The following PRRX1 variants were observed in gnomAD, a reference collection of about 807,000 sequenced individuals.
PRRX1 encodes paired related homeobox 1, also known as paired mesoderm homeobox protein 1.
A neutral mutation model predicts 24.0 loss-of-function variants in PRRX1; 8 were observed. The ratio of observed to expected loss-of-function variants is 0.33; its 90% CI spans 0.20 to 0.60. PRRX1 has a LOEUF of 0.60. Among genes scored for constraint, PRRX1 ranks in the 20% least tolerant of loss-of-function variants. PRRX1 has a pLI of 0.82. For missense variants in PRRX1, 281 were observed against 322.4 expected (o/e 0.87, Z 0.98); for synonymous variants, 160 against 131.7 (o/e 1.22, Z -1.47).
rs542775403 is a variant in PRRX1 at position 170,738,305 on chromosome 1, A to G, written c.*2119A>G. ...TTGAGCTAATGGTGATGTTATTTCA[A>G]TCTAACAGCCACCAATCTGAAATTG... On this transcript the variant is annotated 3_prime_UTR_variant, in exon 4 of 4. Coordinates refer to ENST00000239461, the MANE Select transcript of PRRX1 (RefSeq NM_022716.4). The G allele has an allele frequency of 8.9e-6, 2 of 225,486 alleles. No individual in the cohort carries two copies. The highest frequency in any genetic ancestry group is 5.7e-5 in the Admixed American group (1 of 17,486). 14.0% of individuals were successfully genotyped at this position (225,486 alleles called of 1,614,324 possible). A position where few individuals can be genotyped will look rare whatever the true frequency, so the allele number is the denominator to read the frequency against.
rs184183553 is a variant in PRRX1 at position 170,672,453 on chromosome 1, C to T, written c.241+7994C>T. Among the ~76,000 whole-genome samples, 13 of 152,312 alleles carry T rather than the reference C, an allele frequency of 8.5e-5. No homozygotes were observed. The East Asian group carries it at 2.5e-3, about 29-fold the overall frequency. ...AAATTGCTTTCCCACAAACGTTTGT[C>T]TGAGAATAAGAACATTCACCCCATT... On this transcript the variant is annotated intron_variant, in intron 1 of 3. Transcript: ENST00000239461.
chr1:170,698,394 G>A (rs564144549), intron 1 of PRRX1, among the ~76,000 whole-genome samples: 10 of 152,194 alleles, frequency 6.6e-5, no homozygotes, highest in Non-Finnish European at 8.8e-5. Flanking sequence ...AAAACAAAGC[G>A]TCTCTTTATT....
At chr1:170,715,784 G>C (rs1252163204) in intron 1 of PRRX1, among the ~76,000 whole-genome samples, 1 of 152,202 alleles carries the variant, frequency 6.6e-6, no homozygotes, top group Non-Finnish European at 1.5e-5. Flanking sequence ...TATTCTGGTA[G>C]AAAGGACAAC....
chr1:170,695,685 C>A (rs1310084149), intron 1 of PRRX1, among the ~76,000 whole-genome samples: 3 of 152,174 alleles, frequency 2.0e-5, no homozygotes, highest in Non-Finnish European at 4.4e-5. Flanking sequence ...AAACACTTCT[C>A]CAGTCAACAA....
chr1:170,711,381 G>A (rs989716168), intron 1 of PRRX1, among the ~76,000 whole-genome samples: 2 of 152,110 alleles, frequency 1.3e-5, no homozygotes, highest in African/African-American at 4.8e-5. Flanking sequence ...GAAAATTCAA[G>A]TCATACTTTT....
At chr1:170,710,147 C>G (rs1036591327) in intron 1 of PRRX1, among the ~76,000 whole-genome samples, 1 of 152,006 alleles carries the variant, frequency 6.6e-6, no homozygotes, top group Non-Finnish European at 1.5e-5. Flanking sequence ...TACATTACAG[C>G]CCTTATGCAA....
At chr1:170,730,567 C>T (rs558475243) in intron 3 of PRRX1, 1 of 526,154 alleles carries the variant, frequency 1.9e-6, no homozygotes, top group African/African-American at 1.9e-5. Context: ...GATTGCTGTG[C>T]ACAGGAAACA....
At chr1:170,699,352 G>T (rs1184320378) in intron 1 of PRRX1, among the ~76,000 whole-genome samples, 4 of 151,784 alleles carry the variant, frequency 2.6e-5, no homozygotes, top group African/African-American at 9.7e-5. Flanking sequence ...AACCCTTTCA[G>T]AGGGGCAAAT....
intron 1 of PRRX1, among the ~76,000 whole-genome samples, chr1:170,689,599 A>G (rs1314952768): frequency 1.3e-5 from 2 of 152,068 alleles, no homozygotes; most frequent in Admixed American, 1.3e-4. Context: ...CAAGAAGCAC[A>G]TGTTTTTGTT....
chr1:170,703,181 C>T (rs1239618364), intron 1 of PRRX1, among the ~76,000 whole-genome samples: 1 of 152,224 alleles, frequency 6.6e-6, no homozygotes, highest in African/African-American at 2.4e-5. Flanking sequence ...AAAAGTTCTT[C>T]CACTTCTTAA....
chr1:170,735,130 TAA>T (rs1470900564), intron 3 of PRRX1, among the ~76,000 whole-genome samples: 3 of 152,318 alleles, frequency 2.0e-5, no homozygotes, highest in Admixed American at 6.5e-5. Flanking sequence ...AATTTGCTAT[TAA>T]GTCTATGAAA....
chr1:170,718,974 A>G (rs979125749), intron 1 of PRRX1, among the ~76,000 whole-genome samples: 5 of 152,226 alleles, frequency 3.3e-5, no homozygotes, highest in African/African-American at 1.2e-4. Flanking sequence ...CTAAGATCTC[A>G]GGGTCCTAGA....
intron 1 of PRRX1, among the ~76,000 whole-genome samples, chr1:170,689,839 C>CCTCTCTCTCTCT (rs71559512): frequency 1.2e-3 from 109 of 91,640 alleles, no homozygotes; most frequent in South Asian, 4.3e-3. Context: ...TCTCTCTCTC[C>CCTCTCTCTCTCT]CTCTCTCTCT....
At chr1:170,727,102 CGTGTGT>C (rs147028355) in intron 3 of PRRX1, 1 of 150,750 alleles carries the variant, frequency 6.6e-6, no homozygotes, top group Non-Finnish European at 1.5e-5. Flanking sequence ...TGTGTGTGTG[CGTGTGT>C]GTGTGTGTCT....
At chr1:170,725,424 T>C (rs1282406564) in intron 2 of PRRX1, among the ~76,000 whole-genome samples, 1 of 152,248 alleles carries the variant, frequency 6.6e-6, no homozygotes, top group East Asian at 1.9e-4. Context: ...GTGCCTGCAT[T>C]TCTGTGCCAG....
chr1:170,698,799 G>A lies in PRRX1; in HGVS notation c.242-20927G>A, dbSNP rs140273806. ...CAGTCCAGCAGTCTCCACTAGATGAGGTGAAGGGAGACGAGGGCTGGAGAT... is the reference window on the plus strand; with the variant it reads ...CAGTCCAGCAGTCTCCACTAGATGAAGTGAAGGGAGACGAGGGCTGGAGAT... On this transcript the variant is annotated intron_variant, in intron 1 of 3. Coordinates refer to ENST00000239461, the MANE Select transcript of PRRX1 (RefSeq NM_022716.4). 2.5e-4 allele frequency among the ~76,000 whole-genome samples: 38 copies of A among 152,276 alleles called. No homozygotes were observed. In the East Asian group the frequency reaches 6.2e-3, roughly 25 times the overall value.
intron 1 of PRRX1, among the ~76,000 whole-genome samples, chr1:170,664,927 G>A (rs1199453040): frequency 6.6e-6 from 1 of 152,214 alleles, no homozygotes; most frequent in East Asian, 1.9e-4. Context: ...TTGAGGGAGG[G>A]CACCAGGCAC....
chr1:170,728,498 A>G (rs763931790), intron 3 of PRRX1: 5 of 152,110 alleles, frequency 3.3e-5, no homozygotes, highest in Admixed American at 6.5e-5. Context: ...ATTATTTTGT[A>G]TTCTGCTCTT....
intron 1 of PRRX1, among the ~76,000 whole-genome samples, chr1:170,680,106 A>G (rs745705516): frequency 6.6e-6 from 1 of 152,204 alleles, no homozygotes; most frequent in Non-Finnish European, 1.5e-5. Flanking sequence ...CTAAAGTTAT[A>G]TCTCAAATAT....
Sources: allele counts gnomAD v4.1 joint callset (sites outside exome capture counted in the v4.1 genomes callset), GRCh38; gene constraint gnomAD v4.1.1; transcripts MANE v1.5; gene names NCBI Gene and HGNC (gene_info 2026-07-23, HGNC 2026-07-21).